The following NRXN3 variants were observed in gnomAD, a reference collection of about 807,000 sequenced individuals.
NRXN3 encodes neurexin 3.
Under a neutral mutation model 137.6 loss-of-function variants are expected in NRXN3, and 32 were observed. The ratio of observed to expected loss-of-function variants is 0.23; its 90% confidence interval spans 0.18 to 0.31. The LOEUF is 0.31. NRXN3 is among the 10% of genes least tolerant of loss of function. The probability of loss-of-function intolerance (pLI) is 1.00; values close to 1 mark genes in which losing one functional copy is unlikely to be tolerated. For missense variants in NRXN3, 1,574 were observed against 2,062.5 expected (o/e 0.76, Z 4.59); for synonymous variants, 798 against 784.5 (o/e 1.02, Z -0.29).
intron 4 of NRXN3, among the ~76,000 whole-genome samples, chr14:78,633,251 C>CAAAAATAAAAAAAA (rs2097537959): frequency 1.5e-5 from 1 of 68,078 alleles, no homozygotes; most frequent in Non-Finnish European, 2.7e-5. Flanking sequence ...GAGACTCTGT[C>CAAAAATAAAAAAAA]AAAAAAAAAA....
intron 17 of NRXN3, among the ~76,000 whole-genome samples, chr14:79,666,946 A>G (rs938221135): frequency 1.4e-4 from 22 of 152,020 alleles, no homozygotes; most frequent in Non-Finnish European, 4.4e-5. Context: ...GTTGTGTGAT[A>G]TACTAGATCG....
intron 15 of NRXN3, among the ~76,000 whole-genome samples, chr14:79,208,051 A>T (rs1297571562): frequency 6.6e-6 from 1 of 152,160 alleles, no homozygotes; most frequent in African/African-American, 2.4e-5. Flanking sequence ...GGACAAGGTG[A>T]TTGTTCCATA....
intron 10 of NRXN3, among the ~76,000 whole-genome samples, chr14:78,952,844 C>T (rs2099389628): frequency 6.6e-6 from 1 of 152,146 alleles, no homozygotes; most frequent in Non-Finnish European, 1.5e-5. Context: ...ATACAGATCT[C>T]ACCCCCTCCC....
At chr14:78,678,956 C>G (rs527376985) in intron 6 of NRXN3, among the ~76,000 whole-genome samples, 2 of 152,238 alleles carry the variant, frequency 1.3e-5, no homozygotes, top group African/African-American at 4.8e-5. Flanking sequence ...TTTCATTACT[C>G]TGGCCTCAAT....
chr14:79,856,132 G>A (rs2099401995), intron 20 of NRXN3, among the ~76,000 whole-genome samples: 1 of 152,086 alleles, frequency 6.6e-6, no homozygotes, highest in African/African-American at 2.4e-5. Flanking sequence ...AAGGGTGGTG[G>A]GGAAGCGAGG....
chr14:78,233,520 C>A (rs187444872), intron 1 of NRXN3, among the ~76,000 whole-genome samples: 1 of 152,218 alleles, frequency 6.6e-6, no homozygotes, highest in East Asian at 1.9e-4. Context: ...GATGTCCAGT[C>A]TCTTCTGGGT....
intron 4 of NRXN3, among the ~76,000 whole-genome samples, chr14:78,417,195 A>G (rs1158594970): frequency 6.6e-6 from 1 of 152,194 alleles, no homozygotes; most frequent in Non-Finnish European, 1.5e-5. Context: ...AAGGCTCTCC[A>G]TAGTCTGGCT....
At chr14:78,598,884 G>A (rs993082468) in intron 4 of NRXN3, among the ~76,000 whole-genome samples, 1 of 152,170 alleles carries the variant, frequency 6.6e-6, no homozygotes, top group Non-Finnish European at 1.5e-5. Context: ...TCTAGGTGGA[G>A]ATTATTTCAA....
At position 78,418,383 on chromosome 14, in the gene NRXN3, G is replaced by A. The variant is rs144952503; in HGVS notation, c.757+120523G>A. 2.4e-3 allele frequency among the ~76,000 whole-genome samples: 363 copies of A among 152,168 alleles called. 2 individuals are homozygous for A. Among genetic ancestry groups the A allele is most frequent in the South Asian group, 6.0e-3 (29 of 4,822 alleles). On this transcript the variant is annotated intron_variant, in intron 4 of 20. Transcript: ENST00000335750. Reference sequence around the variant, plus strand: ...CCTTTGGTACTCTATTTCTCATTTTGCCCTTAGAAATAAGGAATCTTGGAG... The same window carrying A: ...CCTTTGGTACTCTATTTCTCATTTTACCCTTAGAAATAAGGAATCTTGGAG...
intron 16 of NRXN3, among the ~76,000 whole-genome samples, chr14:79,605,793 A>G (rs890573028): frequency 6.6e-6 from 1 of 152,140 alleles, no homozygotes; most frequent in Admixed American, 6.6e-5. Context: ...CCTGGCCGAT[A>G]CTGCAGTTTT....
intron 16 of NRXN3, among the ~76,000 whole-genome samples, chr14:79,576,270 AG>A (rs1301913395): frequency 1.3e-5 from 2 of 152,178 alleles, no homozygotes; most frequent in East Asian, 3.9e-4. Context: ...AAGTGGCTGA[AG>A]TCAAAAGCTC....
At chr14:78,524,727 T>C (rs937716844) in intron 4 of NRXN3, among the ~76,000 whole-genome samples, 2 of 152,162 alleles carry the variant, frequency 1.3e-5, no homozygotes, top group African/African-American at 2.4e-5. Flanking sequence ...AAAAGATACC[T>C]TCAACCTCTC....
chr14:78,945,144 C>T (rs975394186), intron 10 of NRXN3, among the ~76,000 whole-genome samples: 2 of 152,146 alleles, frequency 1.3e-5, no homozygotes, highest in Admixed American at 1.3e-4. Flanking sequence ...AGAACCAGAT[C>T]GCTTCCAAAC....
At chr14:78,944,347 C>T (rs955903540) in intron 10 of NRXN3, among the ~76,000 whole-genome samples, 4 of 152,186 alleles carry the variant, frequency 2.6e-5, no homozygotes, top group Admixed American at 6.5e-5. Flanking sequence ...ACTCAGGATT[C>T]GCTTTAGTAA....
At chr14:78,211,839 T>C (rs944903408) in intron 1 of NRXN3, among the ~76,000 whole-genome samples, 1 of 152,090 alleles carries the variant, frequency 6.6e-6, no homozygotes, top group African/African-American at 2.4e-5. Context: ...GTTGTAGGGG[T>C]GGCCCGAAGG....
intron 4 of NRXN3, among the ~76,000 whole-genome samples, chr14:78,541,594 G>A (rs1273839256): frequency 3.3e-5 from 5 of 152,090 alleles, no homozygotes; most frequent in African/African-American, 7.2e-5. Flanking sequence ...TGTTATTACC[G>A]ACCTTCTGAA....
chr14:79,633,404 C>G (rs2098376407), intron 16 of NRXN3: 1 of 151,716 alleles, frequency 6.6e-6, no homozygotes. Context: ...TCTCACTCTG[C>G]CTTGGTTCCA....
intron 15 of NRXN3, among the ~76,000 whole-genome samples, chr14:79,259,469 A>G (rs2077234869): frequency 2.0e-5 from 3 of 151,456 alleles, no homozygotes; most frequent in Non-Finnish European, 2.9e-5. Flanking sequence ...TCTGCAGGGA[A>G]CGTCAACGTG....
intron 15 of NRXN3, among the ~76,000 whole-genome samples, chr14:79,100,819 T>G (rs2051146445): frequency 6.6e-6 from 1 of 152,188 alleles, no homozygotes; most frequent in African/African-American, 2.4e-5. Context: ...AAAGTTGCTG[T>G]ATTAAGTCAT....
Sources: gnomAD v4.1 joint callset for allele counts (sites outside exome capture counted in the v4.1 genomes callset) on GRCh38, gnomAD v4.1.1 for gene constraint, MANE v1.5 for transcripts, NCBI Gene and HGNC (gene_info 2026-07-23, HGNC 2026-07-21) for gene names.